Variants in JMJD1C observed in about 807,000 individuals in gnomAD.
JMJD1C encodes the protein jumonji domain containing 1C.
A neutral mutation model predicts 245.3 loss-of-function variants in JMJD1C; 31 were observed. The observed-to-expected ratio is 0.13, with a 90% confidence interval of 0.09 to 0.17. The LOEUF (loss-of-function observed/expected upper bound fraction) is 0.17. Ranked by LOEUF, JMJD1C falls within the 10% of genes least tolerant of loss-of-function variation. The pLI is 1.00. For synonymous variants in JMJD1C, 1,057 were observed against 1,017.4 expected (o/e 1.04, Z -0.74); for missense variants, 2,691 against 3,000.2 (o/e 0.90, Z 2.41).
At chr10:63,398,514 A>G (rs1948646147) in intron 1 of JMJD1C, among the ~76,000 whole-genome samples, 1 of 152,168 alleles carries the variant, frequency 6.6e-6, no homozygotes. Context: ...CAAGAGGCAC[A>G]TATGTGTTGT....
At chr10:63,331,848 G>A (rs1274771165) in intron 2 of JMJD1C, among the ~76,000 whole-genome samples, 1 of 152,050 alleles carries the variant, frequency 6.6e-6, no homozygotes, top group African/African-American at 2.4e-5. Context: ...TCAAACTCCT[G>A]ACCCTCAAGT....
chr10:63,359,285 T>C (rs994602310), intron 2 of JMJD1C, among the ~76,000 whole-genome samples: 2 of 152,232 alleles, frequency 1.3e-5, no homozygotes, highest in Non-Finnish European at 2.9e-5. Context: ...ATTTAACATT[T>C]TTCTAAGCTG....
chr10:63,217,542 T>C (rs1476325976), intron 4 of JMJD1C, among the ~76,000 whole-genome samples: 3 of 152,098 alleles, frequency 2.0e-5, no homozygotes, highest in South Asian at 2.1e-4. Flanking sequence ...CCTGATTCAA[T>C]AGAAATAAAA....
intron 1 of JMJD1C, among the ~76,000 whole-genome samples, chr10:63,464,251 C>T (rs1399160926): frequency 2.0e-5 from 3 of 152,140 alleles, no homozygotes; most frequent in Non-Finnish European, 4.4e-5. Flanking sequence ...CAAAACACAC[C>T]TATTTTGCGA....
chr10:63,347,161 C>G (rs1166261429), intron 2 of JMJD1C, among the ~76,000 whole-genome samples: 3 of 150,172 alleles, frequency 2.0e-5, no homozygotes, highest in Non-Finnish European at 2.9e-5. Context: ...CTCCACCTCC[C>G]AAGTTCAAGG....
At chr10:63,307,743 T>C (rs1938475575) in intron 2 of JMJD1C, among the ~76,000 whole-genome samples, 1 of 152,074 alleles carries the variant, frequency 6.6e-6, no homozygotes, top group African/African-American at 2.4e-5. Flanking sequence ...GACTCTGTAC[T>C]AGGGAGATTC....
chr10:63,270,866 A>G (rs1295960966), intron 2 of JMJD1C, among the ~76,000 whole-genome samples: 2 of 152,178 alleles, frequency 1.3e-5, no homozygotes, highest in African/African-American at 4.8e-5. Context: ...AATGGAATAT[A>G]AATTTGTGGC....
intron 2 of JMJD1C, among the ~76,000 whole-genome samples, chr10:63,282,393 A>G (rs977823677): frequency 6.6e-6 from 1 of 152,240 alleles, no homozygotes; most frequent in African/African-American, 2.4e-5. Context: ...ATAACAAAGT[A>G]ATCCAAGTTT....
chr10:63,416,097 C>T (rs1258992392), intron 1 of JMJD1C, among the ~76,000 whole-genome samples: 1 of 152,132 alleles, frequency 6.6e-6, no homozygotes, highest in Non-Finnish European at 1.5e-5. Context: ...CTCTGTGATG[C>T]ATTTAACCCC....
At chr10:63,503,513 T>C (rs116246949) in intron 1 of JMJD1C, among the ~76,000 whole-genome samples, 2,025 of 152,236 alleles carry the variant, frequency 0.013, 30 homozygotes, top group African/African-American at 0.034. Context: ...AACATGTGAG[T>C]TTCTGCTAAA....
intron 2 of JMJD1C, among the ~76,000 whole-genome samples, chr10:63,362,270 G>C (rs1403990250): frequency 6.7e-6 from 1 of 150,190 alleles, no homozygotes; most frequent in Non-Finnish European, 1.5e-5. Flanking sequence ...TTTGAAAGAA[G>C]TGTTTACCAA....
At chr10:63,402,144 A>AAAAAAAAAAAC (rs1564882491) in intron 1 of JMJD1C, among the ~76,000 whole-genome samples, 2 of 146,310 alleles carry the variant, frequency 1.4e-5, no homozygotes, top group Admixed American at 6.8e-5. Context: ...AAAAAAAAAG[A>AAAAAAAAAAAC]AAAAAAAACA....
At chr10:63,224,323 T>G (rs1382428107) in intron 3 of JMJD1C, among the ~76,000 whole-genome samples, 1 of 152,206 alleles carries the variant, frequency 6.6e-6, no homozygotes, top group Non-Finnish European at 1.5e-5. Flanking sequence ...TGTACAAAAA[T>G]TAGCTTTCTT....
chr10:63,248,713 T>C (rs1852625686), intron 3 of JMJD1C, among the ~76,000 whole-genome samples: 1 of 152,108 alleles, frequency 6.6e-6, no homozygotes, highest in African/African-American at 2.4e-5. Flanking sequence ...GATCCAGCAG[T>C]TCCACTACTG....
chr10:63,416,062 C>G (rs1337678763), intron 1 of JMJD1C, among the ~76,000 whole-genome samples: 7 of 152,080 alleles, frequency 4.6e-5, no homozygotes, highest in Non-Finnish European at 1.0e-4. Context: ...CTGCCCTTAG[C>G]GAGAAGTTCC....
At chr10:63,388,586 C>T (rs1007910119) in intron 1 of JMJD1C, among the ~76,000 whole-genome samples, 9 of 151,930 alleles carry the variant, frequency 5.9e-5, no homozygotes, top group African/African-American at 1.7e-4. Context: ...AAGAGAAAAG[C>T]CTCAAACGAT....
At chr10:63,240,626 G>GAGTA (rs986958535) in intron 3 of JMJD1C, among the ~76,000 whole-genome samples, 15 of 152,286 alleles carry the variant, frequency 9.8e-5, no homozygotes, top group African/African-American at 3.1e-4. Context: ...TGAAGGAAAG[G>GAGTA]AGTAAGATAA....
At chr10:63,514,753 CAT>C (rs764254286) in intron 1 of JMJD1C, among the ~76,000 whole-genome samples, 20 of 151,842 alleles carry the variant, frequency 1.3e-4, no homozygotes, top group Non-Finnish European at 2.4e-4. Context: ...AGACCACACA[CAT>C]GTACCCCAGA....
intron 10 of JMJD1C, chr10:63,203,601 A>G: frequency 3.1e-6 from 3 of 956,982 alleles, no homozygotes; most frequent in Non-Finnish European, 3.7e-6. Context: ...AAATGTAAAA[A>G]TTAGATAAAA....
Sources: allele counts gnomAD v4.1 joint callset (sites outside exome capture counted in the v4.1 genomes callset), GRCh38; gene constraint gnomAD v4.1.1; transcripts MANE v1.5; gene names NCBI Gene and HGNC (gene_info 2026-07-23, HGNC 2026-07-21).